Variants in CTNNA1 observed in about 807,000 individuals in gnomAD.
The protein encoded by CTNNA1 is catenin alpha 1.
In CTNNA1, 37 loss-of-function variants were observed where a neutral mutation model predicts 98.4. The observed-to-expected ratio is 0.38, with a 90% CI of 0.29 to 0.49. The LOEUF is 0.49. Ranked by LOEUF, CTNNA1 falls within the 20% of genes least tolerant of loss-of-function variation. CTNNA1 has a pLI of 0.95. For missense variants in CTNNA1, 761 were observed against 1,147.2 expected (o/e 0.66, Z 4.86); for synonymous variants, 404 against 413.2 (o/e 0.98, Z 0.27).
At chr5:138,888,935 T>C (rs889799216) in intron 9 of CTNNA1, among the ~76,000 whole-genome samples, 4 of 152,232 alleles carry the variant, frequency 2.6e-5, no homozygotes, top group Non-Finnish European at 4.4e-5. Context: ...ACATTAAGTG[T>C]TATTCTGACC....
intron 7 of CTNNA1, among the ~76,000 whole-genome samples, chr5:138,859,993 G>A (rs1181013278): frequency 6.6e-6 from 1 of 152,124 alleles, no homozygotes; most frequent in African/African-American, 2.4e-5. Flanking sequence ...TGAGGGCGGG[G>A]TGTGGTGTGC....
At chr5:138,856,217 A>G (rs1581289872) in intron 7 of CTNNA1, among the ~76,000 whole-genome samples, 3 of 152,234 alleles carry the variant, frequency 2.0e-5, no homozygotes, top group South Asian at 2.1e-4. Flanking sequence ...CAGTGAAGCC[A>G]TTAATGAACC....
intron 7 of CTNNA1, among the ~76,000 whole-genome samples, chr5:138,832,647 A>G (rs1418019150): frequency 6.6e-6 from 1 of 152,222 alleles, no homozygotes; most frequent in Non-Finnish European, 1.5e-5. Flanking sequence ...ATTAGCATTT[A>G]GGGATATATA....
At chr5:138,864,313 G>A (rs952282435) in intron 7 of CTNNA1, among the ~76,000 whole-genome samples, 3 of 152,124 alleles carry the variant, frequency 2.0e-5, no homozygotes, top group Middle Eastern at 3.2e-3. Context: ...TCACAGTAGT[G>A]ATGTTGCTTA....
At chr5:138,819,225 T>C (rs903391057) in intron 5 of CTNNA1, among the ~76,000 whole-genome samples, 1 of 152,068 alleles carries the variant, frequency 6.6e-6, no homozygotes, top group Admixed American at 6.5e-5. Context: ...ATGGTGGAGC[T>C]TGGCAGTATC....
intron 7 of CTNNA1, among the ~76,000 whole-genome samples, chr5:138,863,412 A>T (rs1448139219): frequency 6.6e-6 from 1 of 151,776 alleles, no homozygotes; most frequent in Non-Finnish European, 1.5e-5. Context: ...ATTTTTGTGT[A>T]TACATGTATT....
At chr5:138,859,823 G>A (rs1461405138) in intron 7 of CTNNA1, among the ~76,000 whole-genome samples, 3 of 152,154 alleles carry the variant, frequency 2.0e-5, no homozygotes, top group Admixed American at 6.5e-5. Flanking sequence ...TGGGAGAATC[G>A]CTTGAGCCCA....
intron 1 of CTNNA1, among the ~76,000 whole-genome samples, chr5:138,761,643 C>A (rs1309007586): frequency 6.6e-6 from 1 of 152,022 alleles, no homozygotes; most frequent in African/African-American, 2.4e-5. Context: ...GTGAGTTTGG[C>A]CTTCTATATG....
intron 1 of CTNNA1, among the ~76,000 whole-genome samples, chr5:138,762,608 C>T (rs1171935096): frequency 6.6e-6 from 1 of 151,664 alleles, no homozygotes; most frequent in African/African-American, 2.4e-5. Context: ...TGTCATCGAT[C>T]AACCCCTCTT....
chr5:138,783,385 T>A lies in CTNNA1; in HGVS notation c.301+13T>A. 6.2e-7 allele frequency: 1 copy of A among 1,602,158 alleles called. No homozygotes were observed. Among genetic ancestry groups the A allele is most frequent in the Non-Finnish European group, 8.5e-7 (1 of 1,172,812 alleles). ...GTTCGAAAACAAGGTAGGTCATTAC[T>A]GCTTTTTAGGTAAAGAGAGGCAGGC... is the stretch of plus-strand genomic sequence containing the variant. On this transcript the variant is annotated intron_variant, in intron 3 of 17. Transcript: ENST00000302763.
At chr5:138,900,070 A>C (rs1757703229) in intron 9 of CTNNA1, among the ~76,000 whole-genome samples, 1 of 152,238 alleles carries the variant, frequency 6.6e-6, no homozygotes, top group Non-Finnish European at 1.5e-5. Flanking sequence ...GTTTGGAAGT[A>C]GTTGTTAAAA....
At chr5:138,892,133 G>A (rs1755508785) in intron 9 of CTNNA1, among the ~76,000 whole-genome samples, 1 of 152,020 alleles carries the variant, frequency 6.6e-6, no homozygotes, top group African/African-American at 2.4e-5. Context: ...ATAAAACCAA[G>A]CTGTGCCCCA....
At chr5:138,766,222 C>T (rs1752927345) in intron 1 of CTNNA1, among the ~76,000 whole-genome samples, 1 of 152,224 alleles carries the variant, frequency 6.6e-6, no homozygotes, top group Admixed American at 6.5e-5. Context: ...GCAGAGATGA[C>T]AGATGTCTGA....
intron 7 of CTNNA1, among the ~76,000 whole-genome samples, chr5:138,866,403 T>C (rs1764792842): frequency 6.6e-6 from 1 of 151,952 alleles, no homozygotes; most frequent in African/African-American, 2.4e-5. Context: ...TTCAGTAAAC[T>C]TAATGTTTAT....
At chr5:138,886,986 T>C (rs765503220) in intron 8 of CTNNA1, among the ~76,000 whole-genome samples, 2 of 152,166 alleles carry the variant, frequency 1.3e-5, no homozygotes, top group Non-Finnish European at 2.9e-5. Context: ...TATATCTTTA[T>C]TCAATTTCCT....
intron 3 of CTNNA1, among the ~76,000 whole-genome samples, chr5:138,786,131 C>T (rs1192791547): frequency 6.6e-6 from 1 of 152,076 alleles, no homozygotes; most frequent in African/African-American, 2.4e-5. Context: ...TGTCCTAGTC[C>T]ACTTTTGCAA....
rs571611493 is a variant in CTNNA1, at chr5:138,931,330, T to G, written c.2298+395T>G. 7.2e-5 allele frequency among the ~76,000 whole-genome samples: 11 copies of G among 152,284 alleles called. No homozygotes were observed. The East Asian group carries it at 1.7e-3, about 24-fold the overall frequency. On this transcript the variant is annotated intron_variant, in intron 16 of 17. Transcript: ENST00000302763. ...TCTTCATCCCCCTATTCCCTCACACTGATAGGTACAAAAATACGGTTCCTA... is the reference window on the plus strand; with the variant it reads ...TCTTCATCCCCCTATTCCCTCACACGGATAGGTACAAAAATACGGTTCCTA...
At chr5:138,920,455 C>G (rs1338509707) in intron 11 of CTNNA1, among the ~76,000 whole-genome samples, 1 of 152,202 alleles carries the variant, frequency 6.6e-6, no homozygotes, top group East Asian at 1.9e-4. Context: ...TAAAGCATAG[C>G]GGTGCTTTGG....
intron 16 of CTNNA1, chr5:138,931,222 T>C (rs1765236783): frequency 2.4e-6 from 1 of 414,100 alleles, no homozygotes; most frequent in Non-Finnish European, 4.5e-6. Flanking sequence ...CCAGAAGCCA[T>C]GTGGCCAGTG....
Sources: gnomAD v4.1 joint callset for allele counts (sites outside exome capture counted in the v4.1 genomes callset) on GRCh38, gnomAD v4.1.1 for gene constraint, MANE v1.5 for transcripts, NCBI Gene and HGNC (gene_info 2026-07-23, HGNC 2026-07-21) for gene names.